RPS6KC1: variants seen among roughly 807,000 people sequenced by gnomAD.
RPS6KC1 encodes the protein ribosomal protein S6 kinase C1.
A neutral mutation model predicts 103.8 loss-of-function variants in RPS6KC1; 54 were observed. That is an observed-to-expected ratio of 0.52 (90% CI 0.42 to 0.65). The LOEUF is 0.65. RPS6KC1 is among the 30% of genes least tolerant of loss of function. The pLI is 0.00. For synonymous variants in RPS6KC1, 439 were observed against 438.7 expected (o/e 1.00, Z -0.01); for missense variants, 1,151 against 1,253.8 (o/e 0.92, Z 1.24).
chr1:213,290,477 C>A, the RPS6KC1 span, among the ~76,000 whole-genome samples: 2 of 152,252 alleles, frequency 1.3e-5, no homozygotes, highest in Non-Finnish European at 2.9e-5. Flanking sequence ...CGTTGGGTGG[C>A]AGGATGTTTG....
chr1:213,783,528 T>G, the RPS6KC1 span, among the ~76,000 whole-genome samples: 1 of 152,156 alleles, frequency 6.6e-6, no homozygotes, highest in Non-Finnish European at 1.5e-5. Flanking sequence ...TGCTTTAATA[T>G]TATGATTCAG....
the RPS6KC1 span, among the ~76,000 whole-genome samples, chr1:213,457,692 G>C: frequency 5.8e-4 from 88 of 152,184 alleles, no homozygotes; most frequent in Non-Finnish European, 1.3e-4. Context: ...TCTAGATACA[G>C]TAATAACTTA....
At chr1:213,129,956 A>C in intron 6 of RPS6KC1, 67 bp downstream of exon 6, 1 of 1,411,160 alleles carries the variant, frequency 7.1e-7, no homozygotes, top group Non-Finnish European at 9.5e-7. Context: ...AAAAGTACAT[A>C]CATATATCTT....
chr1:213,783,947 G>T, the RPS6KC1 span, among the ~76,000 whole-genome samples: 1 of 151,206 alleles, frequency 6.6e-6, no homozygotes, highest in South Asian at 2.1e-4. Flanking sequence ...CCAGTTTAGA[G>T]TTTCCTTGAG....
the RPS6KC1 span, among the ~76,000 whole-genome samples, chr1:213,476,161 G>A: frequency 7.3e-4 from 111 of 152,200 alleles, no homozygotes; most frequent in Non-Finnish European, 1.3e-3. Flanking sequence ...AAACCTCCCC[G>A]GCTGTAAACC....
chr1:213,618,970 A>C, the RPS6KC1 span, among the ~76,000 whole-genome samples: 3 of 152,220 alleles, frequency 2.0e-5, no homozygotes, highest in Non-Finnish European at 2.9e-5. Flanking sequence ...GGCGACACAC[A>C]CGTGGCTTAT....
At chr1:213,822,177 A>T in the RPS6KC1 span, 1 of 152,064 alleles carries the variant, frequency 6.6e-6, no homozygotes, top group African/African-American at 2.4e-5. Context: ...GACACACTAC[A>T]CTTTGTCTGT....
chr1:213,476,073 G>C, the RPS6KC1 span, among the ~76,000 whole-genome samples: 1 of 152,132 alleles, frequency 6.6e-6, no homozygotes, highest in Admixed American at 6.5e-5. Flanking sequence ...TGTGACTGGT[G>C]TGCTTTGAGG....
the RPS6KC1 span, among the ~76,000 whole-genome samples, chr1:213,439,316 C>A: frequency 6.6e-6 from 1 of 152,156 alleles, no homozygotes; most frequent in Admixed American, 6.5e-5. Flanking sequence ...GCCCCACCCC[C>A]ACCCATGTTT....
At chr1:213,111,992 T>C (rs1469920960) in intron 4 of RPS6KC1, among the ~76,000 whole-genome samples, 1 of 152,196 alleles carries the variant, frequency 6.6e-6, no homozygotes, top group African/African-American at 2.4e-5. Context: ...TTTAAGGTTT[T>C]AGTTCACATA....
At chr1:213,738,795 G>A in the RPS6KC1 span, among the ~76,000 whole-genome samples, 1 of 150,762 alleles carries the variant, frequency 6.6e-6, no homozygotes, top group Non-Finnish European at 1.5e-5. Flanking sequence ...AAGAGTTTGA[G>A]ACCAGCCTGG....
chr1:213,062,132 A>G (rs2077894014), intron 1 of RPS6KC1, among the ~76,000 whole-genome samples: 1 of 152,276 alleles, frequency 6.6e-6, no homozygotes, highest in South Asian at 2.1e-4. Context: ...TAGCATCCCT[A>G]TTCTGAAAGT....
At chr1:213,670,596 A>C in the RPS6KC1 span, among the ~76,000 whole-genome samples, 1 of 152,024 alleles carries the variant, frequency 6.6e-6, no homozygotes, top group African/African-American at 2.4e-5. Flanking sequence ...AAGCATAACA[A>C]TAGAGAGTGG....
At chr1:213,787,224 T>C in the RPS6KC1 span, among the ~76,000 whole-genome samples, 3 of 152,186 alleles carry the variant, frequency 2.0e-5, no homozygotes, top group African/African-American at 4.8e-5. Flanking sequence ...GTTAAATTCC[T>C]TGACTTTATG....
the RPS6KC1 span, among the ~76,000 whole-genome samples, chr1:213,768,847 G>A: frequency 2.0e-5 from 3 of 152,130 alleles, no homozygotes; most frequent in Admixed American, 6.5e-5. Flanking sequence ...AGAGAACAAC[G>A]CCTGCAGAAC....
chr1:213,690,876 G>A, the RPS6KC1 span, among the ~76,000 whole-genome samples: 2 of 152,080 alleles, frequency 1.3e-5, no homozygotes, highest in Admixed American at 1.3e-4. Context: ...AGCTATAAAA[G>A]GGCTTTCTGC....
chr1:213,514,142 T>C, the RPS6KC1 span, among the ~76,000 whole-genome samples: 4 of 152,332 alleles, frequency 2.6e-5, no homozygotes, highest in East Asian at 7.7e-4. Context: ...TTTAATATCT[T>C]TGTGACTTCT....
At chr1:213,803,381 G>A in the RPS6KC1 span, among the ~76,000 whole-genome samples, 3,171 of 151,850 alleles carry the variant, frequency 0.021, 93 homozygotes, top group African/African-American at 0.07. Flanking sequence ...CAAGTAGCTG[G>A]GATTACAGGT....
chr1:213,247,278 G>A (rs974742339), intron 12 of RPS6KC1, among the ~76,000 whole-genome samples: 1 of 152,166 alleles, frequency 6.6e-6, no homozygotes, highest in African/African-American at 2.4e-5. Context: ...GCTCACAGCT[G>A]ACGGTGAAAA....
Sources: gnomAD v4.1 joint callset for allele counts (sites outside exome capture counted in the v4.1 genomes callset) on GRCh38, gnomAD v4.1.1 for gene constraint, MANE v1.5 for transcripts, NCBI Gene and HGNC (gene_info 2026-07-23, HGNC 2026-07-21) for gene names.